The following POR variants were observed in gnomAD, a reference collection of about 807,000 sequenced individuals.
The protein encoded by POR is cytochrome p450 oxidoreductase.
POR carries 56 observed loss-of-function variants against 84.0 expected under a neutral mutation model. The ratio of observed to expected loss-of-function variants is 0.67; its 90% CI spans 0.54 to 0.83. The LOEUF (loss-of-function observed/expected upper bound fraction) is 0.83. Among genes scored for constraint, POR ranks in the 40% least tolerant of loss-of-function variants. POR has a pLI of 0.00. For synonymous variants in POR, 414 were observed against 400.5 expected (o/e 1.03, Z -0.40); for missense variants, 938 against 944.3 (o/e 0.99, Z 0.09).
chr7:75,943,765 C>T (rs1394069026), intron 1 of POR: 1 of 453,098 alleles, frequency 2.2e-6, no homozygotes, highest in African/African-American at 2.1e-5. Flanking sequence ...TCTTTAGATT[C>T]ATCAAGAGCC....
chr7:75,920,303 C>T (rs1407407469), intron 1 of POR, among the ~76,000 whole-genome samples: 1 of 151,948 alleles, frequency 6.6e-6, no homozygotes, highest in Non-Finnish European at 1.5e-5. Flanking sequence ...CTCCTGACCT[C>T]AAGTGATCCA....
At chr7:75,917,887 G>T (rs1554548258) in intron 1 of POR, among the ~76,000 whole-genome samples, 1 of 152,178 alleles carries the variant, frequency 6.6e-6, no homozygotes, top group Non-Finnish European at 1.5e-5. Context: ...TTCTAGGCTG[G>T]GAACAGTGGC....
chr7:75,981,812 C>T (rs1221804639), intron 7 of POR: 14 of 592,738 alleles, frequency 2.4e-5, no homozygotes, highest in Admixed American at 6.1e-5. Context: ...CATCCCACCT[C>T]TCGACAAGGA....
At chr7:75,949,925 G>A (rs1438227076) in intron 1 of POR, among the ~76,000 whole-genome samples, 1 of 151,118 alleles carries the variant, frequency 6.6e-6, no homozygotes, top group Admixed American at 6.6e-5. Flanking sequence ...GTGGCACAAT[G>A]TCAGCTCACT....
At chr7:75,981,686 C>G in intron 7 of POR, 80 bp downstream of exon 7, 1 of 1,178,336 alleles carries the variant, frequency 8.5e-7, no homozygotes, top group Non-Finnish European at 1.2e-6. Context: ...CAAGGGCTGG[C>G]AGTGGGTCGC....
intron 2 of POR, among the ~76,000 whole-genome samples, chr7:75,956,517 C>T (rs1175915050): frequency 1.3e-5 from 2 of 152,214 alleles, no homozygotes; most frequent in African/African-American, 4.8e-5. Context: ...TCAGTTTCCT[C>T]ACCTGCTAAA....
rs782055061 is a variant in POR at position 75,982,339 on chromosome 7, T to G, written c.830+17T>G. 4 of 1,599,718 alleles carry G rather than the reference T, an allele frequency of 2.5e-6. No homozygotes were observed. Among genetic ancestry groups the G allele is most frequent in the Non-Finnish European group, 3.4e-6 (4 of 1,172,502 alleles). The stretch of plus-strand genomic sequence containing the variant: ...CCAGAAGCCGTGAGTGGAGGGAGCG[T>G]GGCTTGGGGCAGACGGCTCTATGGC... On this transcript the variant is annotated intron_variant, in intron 8 of 15. Coordinates refer to ENST00000461988, the MANE Select transcript of POR (RefSeq NM_000941.3).
chr7:75,928,721 T>A (rs201739204), intron 1 of POR, among the ~76,000 whole-genome samples: 31,839 of 152,174 alleles, frequency 0.21, 5,313 homozygotes, highest in African/African-American at 0.45. Context: ...GAGGACTTTT[T>A]TCTAGTGCTG....
chr7:75,975,903 T>C (rs1223510767), intron 3 of POR, among the ~76,000 whole-genome samples: 1 of 147,422 alleles, frequency 6.8e-6, no homozygotes, highest in Non-Finnish European at 1.5e-5. Flanking sequence ...CCTCCTGGTG[T>C]GGCCTCCCAG....
chr7:75,952,391 G>C (rs1365530901), intron 1 of POR, among the ~76,000 whole-genome samples: 4 of 141,504 alleles, frequency 2.8e-5, no homozygotes, highest in Non-Finnish European at 6.2e-5. Context: ...CCTCCCGGAC[G>C]GGGCAGCTGG....
intron 1 of POR, among the ~76,000 whole-genome samples, chr7:75,940,293 G>T (rs1242299301): frequency 6.6e-6 from 1 of 150,812 alleles, no homozygotes; most frequent in Non-Finnish European, 1.5e-5. Flanking sequence ...CGCCATGTTG[G>T]CCAGGCTGGT....
chr7:75,932,174 CA>C (rs1306516866), intron 1 of POR, among the ~76,000 whole-genome samples: 1 of 150,966 alleles, frequency 6.6e-6, no homozygotes, highest in Non-Finnish European at 1.5e-5. Flanking sequence ...AAGACAAATT[CA>C]GAAATTCTTT....
At chr7:75,974,360 A>G (rs982682251) in intron 3 of POR, among the ~76,000 whole-genome samples, 2 of 151,996 alleles carry the variant, frequency 1.3e-5, no homozygotes, top group East Asian at 1.9e-4. Flanking sequence ...ACTGTTCCCC[A>G]CAGCCTTGCC....
intron 3 of POR, among the ~76,000 whole-genome samples, chr7:75,978,771 G>T (rs948147211): frequency 6.6e-6 from 1 of 151,806 alleles, no homozygotes; most frequent in Non-Finnish European, 1.5e-5. Context: ...TCATCCACCC[G>T]CCTTGGCCTC....
At chr7:75,942,615 G>C (rs967187365) in intron 1 of POR, among the ~76,000 whole-genome samples, 1 of 151,846 alleles carries the variant, frequency 6.6e-6, no homozygotes, top group Non-Finnish European at 1.5e-5. Context: ...ATCAAGATCT[G>C]AAAAACGCTG....
intron 6 of POR, 38 bp from the exon 7 acceptor site, chr7:75,981,479 T>C: frequency 4.4e-6 from 7 of 1,574,662 alleles, no homozygotes; most frequent in Admixed American, 1.8e-5. Flanking sequence ...CACATGGGCC[T>C]CCCCTGAGCC....
intron 2 of POR, among the ~76,000 whole-genome samples, chr7:75,955,719 C>A (rs1787657097): frequency 6.6e-6 from 1 of 152,178 alleles, no homozygotes; most frequent in Non-Finnish European, 1.5e-5. Flanking sequence ...TTAGCTTGCA[C>A]CCCAGGGCCA....
intron 2 of POR, chr7:75,967,788 A>G (rs1585116987): frequency 3.0e-6 from 1 of 332,342 alleles, no homozygotes; most frequent in East Asian, 7.6e-5. Flanking sequence ...TGCCCGGTGC[A>G]GGGACTCATG....
At chr7:75,968,118 G>A (rs575188308) in intron 2 of POR, 21 of 455,780 alleles carry the variant, frequency 4.6e-5, no homozygotes, top group African/African-American at 8.0e-5. Context: ...TGAGGAGCCC[G>A]CTCTGAGAAG....
Sources: gnomAD v4.1 joint callset for allele counts (sites outside exome capture counted in the v4.1 genomes callset) on GRCh38, gnomAD v4.1.1 for gene constraint, MANE v1.5 for transcripts, NCBI Gene and HGNC (gene_info 2026-07-23, HGNC 2026-07-21) for gene names.